Variants in CEP128 observed in about 807,000 individuals in gnomAD.
The protein encoded by CEP128 is centrosomal protein 128kDa.
In CEP128, 132 loss-of-function variants were observed where a neutral mutation model predicts 156.7. The ratio of observed to expected loss-of-function variants is 0.84; its 90% CI spans 0.73 to 0.97. The LOEUF (loss-of-function observed/expected upper bound fraction) is 0.97, where lower values mean the gene tolerates loss of function less well. Among genes scored for constraint, CEP128 ranks in the 50% least tolerant of loss-of-function variants. CEP128 has a pLI of 0.00. For synonymous variants in CEP128, 469 were observed against 448.9 expected (o/e 1.04, Z -0.57); for missense variants, 1,252 against 1,281.9 (o/e 0.98, Z 0.36).
chr14:80,614,872 G>C (rs986777272), intron 19 of CEP128, among the ~76,000 whole-genome samples: 1 of 152,048 alleles, frequency 6.6e-6, no homozygotes, highest in Admixed American at 6.6e-5. Flanking sequence ...TATAACTCCA[G>C]GTCAGACCAC....
chr14:80,765,849 CCTG>C (rs1900211484), intron 16 of CEP128, among the ~76,000 whole-genome samples: 1 of 152,190 alleles, frequency 6.6e-6, no homozygotes, highest in South Asian at 2.1e-4. Flanking sequence ...AACCCCATAA[CCTG>C]ATCCCCTGAC....
At chr14:80,597,883 A>G (rs1255714775) in intron 19 of CEP128, among the ~76,000 whole-genome samples, 1 of 148,562 alleles carries the variant, frequency 6.7e-6, no homozygotes, top group Non-Finnish European at 1.5e-5. Context: ...GTATTTGACA[A>G]AATTCATTGA....
At chr14:80,692,893 T>G (rs72690954) in intron 19 of CEP128, among the ~76,000 whole-genome samples, 44,869 of 152,072 alleles carry the variant, frequency 0.3, 7,344 homozygotes, top group East Asian at 0.7. Context: ...TTTTGCATCT[T>G]TCTCCAGTTA....
At chr14:80,769,843 A>G (rs1230310973) in intron 16 of CEP128, among the ~76,000 whole-genome samples, 4 of 152,208 alleles carry the variant, frequency 2.6e-5, no homozygotes, top group East Asian at 1.9e-4. Flanking sequence ...AAAAAACTCA[A>G]TGAAAACAAA....
At chr14:80,503,433 T>C (rs1887827395) in intron 24 of CEP128, among the ~76,000 whole-genome samples, 1 of 152,306 alleles carries the variant, frequency 6.6e-6, no homozygotes, top group Admixed American at 6.5e-5. Context: ...CTAAATACAA[T>C]TCCAAAATCT....
At chr14:80,592,542 G>A (rs996639336) in intron 19 of CEP128, among the ~76,000 whole-genome samples, 5 of 152,178 alleles carry the variant, frequency 3.3e-5, no homozygotes, top group East Asian at 1.9e-4. Flanking sequence ...AGGACCAGAC[G>A]GATTCACAGC....
At chr14:80,761,928 G>C (rs1425444835) in intron 16 of CEP128, among the ~76,000 whole-genome samples, 2 of 152,038 alleles carry the variant, frequency 1.3e-5, no homozygotes, top group Non-Finnish European at 2.9e-5. Context: ...TCTCAGTAAT[G>C]AATGAGAGTA....
intron 19 of CEP128, among the ~76,000 whole-genome samples, chr14:80,621,353 C>CTTTCCT (rs1893471560): frequency 1.3e-5 from 2 of 152,246 alleles, no homozygotes; most frequent in East Asian, 1.9e-4. Context: ...TATGTATTGT[C>CTTTCCT]TTTCCTCTTG....
At chr14:80,802,512 G>A (rs1883931877) in intron 13 of CEP128, among the ~76,000 whole-genome samples, 2 of 136,118 alleles carry the variant, frequency 1.5e-5, no homozygotes, top group Admixed American at 7.5e-5. Context: ...ACAGAAAGAG[G>A]AACAACACAC....
chr14:80,527,010 G>T, intron 22 of CEP128, 28 bp from the exon 23 acceptor site: 3 of 1,048,844 alleles, frequency 2.9e-6, no homozygotes, highest in South Asian at 1.3e-5. Context: ...CAAAGGGTCT[G>T]AACTGGTAGA....
intron 19 of CEP128, among the ~76,000 whole-genome samples, chr14:80,677,269 G>T (rs1156770301): frequency 2.0e-5 from 3 of 152,202 alleles, no homozygotes; most frequent in East Asian, 3.9e-4. Flanking sequence ...CACTTTGAGA[G>T]GCTGAGGTGG....
At chr14:80,528,940 T>C (rs1292548468) in intron 22 of CEP128, among the ~76,000 whole-genome samples, 6 of 152,248 alleles carry the variant, frequency 3.9e-5, no homozygotes, top group Admixed American at 3.3e-4. Context: ...AGGCTATATC[T>C]AGTCATTTTT....
chr14:80,590,493 T>C (rs1892006444), intron 19 of CEP128, among the ~76,000 whole-genome samples: 1 of 151,986 alleles, frequency 6.6e-6, no homozygotes, highest in Non-Finnish European at 1.5e-5. Flanking sequence ...CAGAATCCTA[T>C]ATCTAGTGAA....
At chr14:80,745,446 T>G (rs1899050571) in intron 18 of CEP128, among the ~76,000 whole-genome samples, 1 of 152,152 alleles carries the variant, frequency 6.6e-6, no homozygotes, top group African/African-American at 2.4e-5. Context: ...ATGCAAGGTT[T>G]AAGATAGGAA....
intron 20 of CEP128, 63 bp from the exon 21 acceptor site, chr14:80,559,365 C>G (rs1890574166): frequency 3.0e-6 from 4 of 1,340,404 alleles, no homozygotes; most frequent in Admixed American, 2.3e-5. Context: ...TTCAAGTTTA[C>G]TTAATTTACA....
intron 19 of CEP128, among the ~76,000 whole-genome samples, chr14:80,609,854 C>CA (rs200567609): frequency 6.6e-4 from 97 of 147,056 alleles, no homozygotes; most frequent in African/African-American, 1.4e-3. Context: ...GTATGTGAGT[C>CA]AAAAAAAAAT....
intron 21 of CEP128, among the ~76,000 whole-genome samples, chr14:80,533,564 T>A (rs1889331619): frequency 6.6e-6 from 1 of 152,176 alleles, no homozygotes; most frequent in African/African-American, 2.4e-5. Context: ...TATATGATGG[T>A]TTTGGATGTA....
chr14:80,772,195 G>T (rs1900546140), intron 16 of CEP128, among the ~76,000 whole-genome samples: 1 of 152,092 alleles, frequency 6.6e-6, no homozygotes, highest in African/African-American at 2.4e-5. Context: ...CCCATAAGTT[G>T]CCTTTTGGCC....
downstream of CEP128, among the ~76,000 whole-genome samples, chr14:80,494,997 T>C (rs1299902123): frequency 1.3e-5 from 2 of 152,190 alleles, no homozygotes; most frequent in African/African-American, 4.8e-5. Context: ...TCTCCCCCTG[T>C]AGCCTTCAGC....
Sources: allele counts gnomAD v4.1 joint callset (sites outside exome capture counted in the v4.1 genomes callset), GRCh38; gene constraint gnomAD v4.1.1; transcripts MANE v1.5; gene names NCBI Gene and HGNC (gene_info 2026-07-23, HGNC 2026-07-21).